Variants in TRDMT1 observed in about 807,000 individuals in gnomAD.
TRDMT1 encodes the protein tRNA aspartic acid methyltransferase 1.
TRDMT1 carries 49 observed loss-of-function variants against 51.2 expected under a neutral mutation model. The observed-to-expected ratio is 0.96, with a 90% CI of 0.76 to 1.21. The LOEUF (loss-of-function observed/expected upper bound fraction) is 1.21, where lower values mean the gene tolerates loss of function less well. TRDMT1 is among the 50% of genes most tolerant of loss of function. TRDMT1 has a pLI of 0.00. For missense variants in TRDMT1, 534 were observed against 462.3 expected (o/e 1.16, Z -1.42); for synonymous variants, 187 against 164.6 (o/e 1.14, Z -1.04).
intron 10 of TRDMT1, chr10:17,152,245 A>C (rs1838841695): frequency 2.3e-6 from 1 of 444,342 alleles, no homozygotes; most frequent in Admixed American, 3.8e-5. Context: ...GTTTTTCTTA[A>C]ACAACACTCC....
intron 1 of TRDMT1, among the ~76,000 whole-genome samples, chr10:17,193,188 A>T (rs1344739324): frequency 6.6e-6 from 1 of 152,128 alleles, no homozygotes; most frequent in African/African-American, 2.4e-5. Context: ...ACATGGTGAA[A>T]CCCCGTCTCT....
At chr10:17,164,130 G>A (rs1840821979) in intron 3 of TRDMT1, among the ~76,000 whole-genome samples, 2 of 152,238 alleles carry the variant, frequency 1.3e-5, no homozygotes, top group African/African-American at 4.8e-5. Context: ...TAAAATACTG[G>A]CAAACCGAAT....
At chr10:17,175,262 T>C (rs1842491487) in intron 1 of TRDMT1, among the ~76,000 whole-genome samples, 1 of 152,224 alleles carries the variant, frequency 6.6e-6, no homozygotes, top group Admixed American at 6.5e-5. Context: ...ATTTTAAATG[T>C]TGACAGACCA....
In TRDMT1 at chr10:17,153,656, A is replaced by G. The variant is rs894246862; in HGVS notation, c.946-20T>C. On this transcript the variant is annotated intron_variant, in intron 9 of 10. Coordinates refer to ENST00000377799, the MANE Select transcript of TRDMT1 (RefSeq NM_004412.7). ...CTCAACCTGTAAGAAAATACCCAAG[A>G]TAACTAAAAAAGTAATGTGCAACTA... 6.5e-6 allele frequency: 10 copies of G among 1,548,736 alleles called. No individual in the cohort carries two copies. Among genetic ancestry groups the G allele is most frequent in the African/African-American group, 1.4e-5 (1 of 72,564 alleles).
chr10:17,144,372 A>G lies in TRDMT1; in HGVS notation c.*4668T>C. ...ATGCTAGGTACAAGCAAAGAAATGA[A>G]AAAACCCTAGGCTTATTCAGAAAAG... On this transcript the variant is annotated 3_prime_UTR_variant, in exon 11 of 11. Transcript: ENST00000377799. 1.0e-6 allele frequency: 1 copy of G among 985,504 alleles called. No homozygotes were observed. Among genetic ancestry groups the G allele is most frequent in the Non-Finnish European group, 1.2e-6 (1 of 829,940 alleles). 61.0% of individuals were successfully genotyped at this position (985,504 alleles called of 1,614,324 possible).
rs372220525 is a variant in TRDMT1 at position 17,177,713 on chromosome 10, A to AACACACACACACACACACAC, written c.65-3073_65-3054dup. ...ATGCTTCTTACAAAAATAGACAAGA[A>AACACACACACACACACACAC]ACACACACACACACACACACACACA... On this transcript the variant is annotated intron_variant, in intron 1 of 10. Transcript: ENST00000377799. 4.9e-4 allele frequency among the ~76,000 whole-genome samples: 72 copies of AACACACACACACACACACAC among 147,146 alleles called. 1 individual carries two copies. The highest frequency in any genetic ancestry group is 1.8e-3 in the Admixed American group (26 of 14,688).
Position 17,143,462 on chromosome 10 carries a change from A to T in TRDMT1, c.*5578T>A. 1.0e-5 allele frequency: 10 copies of T among 985,474 alleles called. No individual in the cohort carries two copies. The highest frequency in any genetic ancestry group is 1.2e-5 in the Non-Finnish European group (10 of 829,942). 61.0% of individuals were successfully genotyped at this position (985,474 alleles called of 1,614,324 possible). A position where few individuals can be genotyped will look rare whatever the true frequency, so the allele number is the denominator to read the frequency against. On this transcript the variant is annotated 3_prime_UTR_variant, in exon 11 of 11. Transcript: ENST00000377799. The stretch of plus-strand genomic sequence containing the variant: ...AACTCATTTCTACTACACAAGGAGT[A>T]TCACATTCCATTCAGTGTTTTCAGT...
Position 17,168,926 on chromosome 10 carries a change from T to C in TRDMT1, c.175-9A>G. ...TCTTCGAGTGTAATGCCCTGAGGAA[T>C]GAACATTTAGGGGGAAAAAAGAACA... On this transcript the variant is annotated splice_polypyrimidine_tract_variant and intron_variant, in intron 2 of 10. Coordinates refer to ENST00000377799, the MANE Select transcript of TRDMT1 (RefSeq NM_004412.7). The C allele has an allele frequency of 1.3e-6, 2 of 1,592,610 alleles. No individual in the cohort carries two copies. The highest frequency in any genetic ancestry group is 1.7e-6 in the Non-Finnish European group (2 of 1,166,906).
At chr10:17,199,942 C>T (rs1485729736) in intron 1 of TRDMT1, among the ~76,000 whole-genome samples, 1 of 152,168 alleles carries the variant, frequency 6.6e-6, no homozygotes, top group Admixed American at 6.5e-5. Flanking sequence ...TAAAATTACA[C>T]AATTTCCCCT....
Position 17,146,484 on chromosome 10 carries a change from A to T in TRDMT1, c.*2556T>A. ...CGAAATCATTTTCCAACTATGACTC[A>T]TTTTGTTTACATTAATTGATTTGGT... On this transcript the variant is annotated 3_prime_UTR_variant, in exon 11 of 11. Transcript: ENST00000377799. The T allele has an allele frequency of 1.0e-6, 1 of 985,368 alleles. No homozygotes were observed. The highest frequency in any genetic ancestry group is 1.2e-6 in the Non-Finnish European group (1 of 829,894). 61.0% of individuals were successfully genotyped at this position (985,368 alleles called of 1,614,324 possible).
chr10:17,159,127 A>G lies in TRDMT1; in HGVS notation c.543+19T>C. On this transcript the variant is annotated intron_variant, in intron 7 of 10. Coordinates refer to ENST00000377799, the MANE Select transcript of TRDMT1 (RefSeq NM_004412.7). The stretch of plus-strand genomic sequence containing the variant: ...ATAAATAAGCCATAATATTCATAAT[A>G]AAATTCCAATAATAATACCTGACCA... The G allele has an allele frequency of 6.6e-7, 1 of 1,505,592 alleles. No individual in the cohort carries two copies. 93.3% of individuals were successfully genotyped at this position (1,505,592 alleles called of 1,614,324 possible).
At chr10:17,173,826 G>A (rs186236025) in intron 2 of TRDMT1, among the ~76,000 whole-genome samples, 213 of 147,334 alleles carry the variant, frequency 1.4e-3, no homozygotes, top group Middle Eastern at 0.01. Context: ...GTGCAGTGGC[G>A]CGATCTCAGC....
chr10:17,137,935 C>A lies in TRDMT1; in HGVS notation c.*11105G>T, dbSNP rs1453378464. Among the ~76,000 whole-genome samples the A allele has an allele frequency of 6.6e-6, 1 of 151,932 alleles. No individual in the cohort carries two copies. Among genetic ancestry groups the A allele is most frequent in the Non-Finnish European group, 1.5e-5 (1 of 67,998 alleles). ...GACATCGACAGAAGGCCTTAAGTGG[C>A]AGGTTAAAGAATGTTGATTTAATCT... On this transcript the variant is annotated 3_prime_UTR_variant, in exon 11 of 11. Transcript: ENST00000377799.
chr10:17,157,796 T>TA lies in TRDMT1; in HGVS notation c.544-13dup. 6.5e-7 allele frequency: 1 copy of TA among 1,532,218 alleles called. No individual in the cohort carries two copies. The highest frequency in any genetic ancestry group is 8.8e-7 in the Non-Finnish European group (1 of 1,141,136). 94.9% of individuals were successfully genotyped at this position (1,532,218 alleles called of 1,614,324 possible). Reference sequence around the variant, plus strand: ...AACTCCATCAGTACCTGGCATTACATAAAAATACACAAATTGTCAAAAGTT... The same window carrying TA: ...AACTCCATCAGTACCTGGCATTACATAAAAAATACACAAATTGTCAAAAGTT... On this transcript the variant is annotated splice_polypyrimidine_tract_variant and intron_variant, in intron 7 of 10. Coordinates refer to ENST00000377799, the MANE Select transcript of TRDMT1 (RefSeq NM_004412.7).
intron 2 of TRDMT1, among the ~76,000 whole-genome samples, chr10:17,172,700 A>G (rs1842180080): frequency 6.6e-6 from 1 of 152,320 alleles, no homozygotes; most frequent in South Asian, 2.1e-4. Context: ...TGAAAATTGT[A>G]GGTATATAGA....
intron 1 of TRDMT1, among the ~76,000 whole-genome samples, chr10:17,200,816 A>G (rs954344520): frequency 6.6e-6 from 1 of 152,238 alleles, no homozygotes; most frequent in South Asian, 2.1e-4. Context: ...GTCGTTTTAA[A>G]GTAATAGTGA....
At chr10:17,201,389 C>T in intron 1 of TRDMT1, 182 bp downstream of exon 1, 1 of 555,948 alleles carries the variant, frequency 1.8e-6, no homozygotes. Context: ...AGGGAGTCAG[C>T]GTCTGGAGGG....
intron 10 of TRDMT1, among the ~76,000 whole-genome samples, chr10:17,152,636 T>C (rs1311073576): frequency 6.6e-6 from 1 of 152,154 alleles, no homozygotes; most frequent in African/African-American, 2.4e-5. Flanking sequence ...ATCAGCCAGG[T>C]ACTGGGAGCA....
Position 17,154,743 on chromosome 10 carries a change from T to C in TRDMT1, c.888-9A>G. The C allele has an allele frequency of 6.2e-7, 1 of 1,600,246 alleles. No individual in the cohort carries two copies. On this transcript the variant is annotated splice_polypyrimidine_tract_variant and intron_variant, in intron 8 of 10. Coordinates refer to ENST00000377799, the MANE Select transcript of TRDMT1 (RefSeq NM_004412.7). ...CTATGTAGCTTCCATATCTGAAAAATCAACACAACAATTATGCAGCACCTG... is the reference window on the plus strand; with the variant it reads ...CTATGTAGCTTCCATATCTGAAAAACCAACACAACAATTATGCAGCACCTG...
Sources: gnomAD v4.1 joint callset for allele counts (sites outside exome capture counted in the v4.1 genomes callset) on GRCh38, gnomAD v4.1.1 for gene constraint, MANE v1.5 for transcripts, NCBI Gene and HGNC (gene_info 2026-07-23, HGNC 2026-07-21) for gene names.